Variants in KCND2 observed in about 807,000 individuals in gnomAD.
The protein encoded by KCND2 is A-type voltage-gated potassium channel KCND2.
A neutral mutation model predicts 54.4 loss-of-function variants in KCND2; 16 were observed. The observed-to-expected ratio is 0.29, with a 90% CI of 0.20 to 0.45. The LOEUF (loss-of-function observed/expected upper bound fraction) is 0.45. KCND2 is among the 20% of genes least tolerant of loss of function. KCND2 has a pLI of 1.00. For missense variants in KCND2, 486 were observed against 824.2 expected (o/e 0.59, Z 5.02); for synonymous variants, 317 against 310.7 (o/e 1.02, Z -0.21).
chr7:120,668,471 A>G (rs892987916), intron 1 of KCND2, among the ~76,000 whole-genome samples: 7 of 152,126 alleles, frequency 4.6e-5, no homozygotes, highest in African/African-American at 1.7e-4. Flanking sequence ...TAAAAATGCC[A>G]GAAAACAAAA....
At chr7:120,500,637 A>T (rs1802918109) in intron 1 of KCND2, among the ~76,000 whole-genome samples, 1 of 152,004 alleles carries the variant, frequency 6.6e-6, no homozygotes, top group Admixed American at 6.6e-5. Flanking sequence ...CCAATCCAAT[A>T]AGCAACAATA....
intron 1 of KCND2, among the ~76,000 whole-genome samples, chr7:120,403,657 A>C (rs1459702022): frequency 6.6e-6 from 1 of 151,814 alleles, no homozygotes; most frequent in South Asian, 2.1e-4. Context: ...AAGACTTATA[A>C]TTGAAAACAA....
At chr7:120,418,630 T>A (rs1415043872) in intron 1 of KCND2, among the ~76,000 whole-genome samples, 1 of 152,148 alleles carries the variant, frequency 6.6e-6, no homozygotes. Flanking sequence ...GGGTGTTTTT[T>A]ATTAGTTCCC....
chr7:120,294,225 A>G (rs1799476425), intron 1 of KCND2, among the ~76,000 whole-genome samples: 1 of 151,988 alleles, frequency 6.6e-6, no homozygotes, highest in African/African-American at 2.4e-5. Flanking sequence ...TCATTGAAAT[A>G]ATACATGACT....
chr7:120,613,434 G>T (rs1174951671), intron 1 of KCND2, among the ~76,000 whole-genome samples: 1 of 152,182 alleles, frequency 6.6e-6, no homozygotes, highest in Non-Finnish European at 1.5e-5. Context: ...GGGAGGCTGA[G>T]GTAGGAGAAT....
intron 1 of KCND2, among the ~76,000 whole-genome samples, chr7:120,322,711 A>C (rs934191705): frequency 1.3e-5 from 2 of 152,152 alleles, no homozygotes; most frequent in African/African-American, 2.4e-5. Flanking sequence ...ACTCCGGTTA[A>C]GAATGAAAGA....
intron 1 of KCND2, among the ~76,000 whole-genome samples, chr7:120,728,386 G>C (rs2116130991): frequency 6.6e-6 from 1 of 151,206 alleles, no homozygotes; most frequent in East Asian, 2.0e-4. Context: ...CTGCCTCCTG[G>C]GTTCAAGAGA....
At chr7:120,442,508 G>GCA (rs1258639932) in intron 1 of KCND2, among the ~76,000 whole-genome samples, 1 of 151,628 alleles carries the variant, frequency 6.6e-6, no homozygotes, top group African/African-American at 2.4e-5. Context: ...AAAGTAAGTG[G>GCA]TGACCTAAAA....
chr7:120,275,676 G>C lies in KCND2; in HGVS notation c.1044G>C (p.Gly348=), dbSNP rs372893395. The change falls in exon 1 of 6, where the codon GGG becomes GGC. Residue 348 remains glycine (G), a synonymous_variant. Coordinates refer to ENST00000331113, the MANE Select transcript of KCND2 (RefSeq NM_012281.3). ...FATVMFYAEK[G]SSASKFTSIP... ...CAGTTATGTTCTACGCAGAGAAGGG[G>C]TCTTCGGCTAGCAAGTTCACCAGCA... is the stretch of plus-strand genomic sequence containing the variant. 16 of 1,602,914 alleles carry C rather than the reference G, an allele frequency of 1.0e-5. No individual in the cohort carries two copies. The highest frequency in any genetic ancestry group is 1.7e-5 in the Admixed American group (1 of 59,988).
At chr7:120,286,209 C>T (rs1489545733) in intron 1 of KCND2, among the ~76,000 whole-genome samples, 1 of 151,840 alleles carries the variant, frequency 6.6e-6, no homozygotes, top group Admixed American at 6.6e-5. Context: ...TGGATCTGTA[C>T]ATACTGTTTT....
At chr7:120,357,753 G>A (rs1165050130) in intron 1 of KCND2, among the ~76,000 whole-genome samples, 1 of 152,050 alleles carries the variant, frequency 6.6e-6, no homozygotes, top group Non-Finnish European at 1.5e-5. Flanking sequence ...AGCTGGTTTG[G>A]TTTCTCCTGA....
At chr7:120,741,997 G>C (rs190544331) in intron 3 of KCND2, among the ~76,000 whole-genome samples, 1 of 152,190 alleles carries the variant, frequency 6.6e-6, no homozygotes. Flanking sequence ...GTTGGGGTGG[G>C]TGGCTAACAT....
At chr7:120,494,874 G>A (rs140164171) in intron 1 of KCND2, among the ~76,000 whole-genome samples, 148 of 152,242 alleles carry the variant, frequency 9.7e-4, no homozygotes, top group African/African-American at 3.4e-3. Flanking sequence ...AGGACCTAAT[G>A]GAATCATTTA....
intron 1 of KCND2, among the ~76,000 whole-genome samples, chr7:120,333,443 A>G (rs1472479621): frequency 6.6e-6 from 1 of 152,094 alleles, no homozygotes; most frequent in Non-Finnish European, 1.5e-5. Context: ...GAAGAAATAG[A>G]AAATATAACA....
At chr7:120,330,201 G>A (rs1229333504) in intron 1 of KCND2, among the ~76,000 whole-genome samples, 2 of 151,922 alleles carry the variant, frequency 1.3e-5, no homozygotes, top group African/African-American at 4.8e-5. Flanking sequence ...CTAAAATGAA[G>A]GTAGTAAAAT....
intron 1 of KCND2, among the ~76,000 whole-genome samples, chr7:120,450,475 T>C (rs1802086234): frequency 2.0e-5 from 3 of 152,040 alleles, no homozygotes; most frequent in African/African-American, 7.2e-5. Flanking sequence ...GGGGATGGGT[T>C]GGGAAAGGTG....
chr7:120,578,200 A>G (rs1584836725), intron 1 of KCND2, among the ~76,000 whole-genome samples: 1 of 152,058 alleles, frequency 6.6e-6, no homozygotes, highest in Admixed American at 6.5e-5. Context: ...AGGTAGGAGG[A>G]TCAATTGAGC....
intron 1 of KCND2, among the ~76,000 whole-genome samples, chr7:120,279,607 T>G (rs561437243): frequency 5.9e-5 from 9 of 151,872 alleles, no homozygotes; most frequent in Admixed American, 3.3e-4. Context: ...CTAAAACAAA[T>G]ACGGTGGCGT....
chr7:120,465,067 T>C (rs1216636612), intron 1 of KCND2, among the ~76,000 whole-genome samples: 2 of 152,122 alleles, frequency 1.3e-5, no homozygotes, highest in African/African-American at 4.8e-5. Flanking sequence ...TGGAGGACAT[T>C]CCAAATTTTT....
Sources: gnomAD v4.1 joint callset for allele counts (sites outside exome capture counted in the v4.1 genomes callset) on GRCh38, gnomAD v4.1.1 for gene constraint, MANE v1.5 for transcripts, NCBI Gene and HGNC (gene_info 2026-07-23, HGNC 2026-07-21) for gene names.